Variants in DCP1B observed in about 807,000 individuals in gnomAD.
DCP1B encodes mRNA-decapping enzyme 1B.
In DCP1B, 47 loss-of-function variants were observed where a neutral mutation model predicts 60.5. The observed-to-expected ratio is 0.78, with a 90% CI of 0.61 to 0.99. DCP1B has a LOEUF of 0.99. Among genes scored for constraint, DCP1B ranks in the 50% least tolerant of loss-of-function variants. DCP1B has a pLI of 0.00. For missense variants in DCP1B, 725 were observed against 756.8 expected (o/e 0.96, Z 0.49); for synonymous variants, 267 against 280.3 (o/e 0.95, Z 0.47).
intron 3 of DCP1B, among the ~76,000 whole-genome samples, chr12:1,968,765 C>T (rs112299955): frequency 0.027 from 4,129 of 152,280 alleles, 94 homozygotes; most frequent in Middle Eastern, 0.054. Flanking sequence ...TAATAATAAA[C>T]TTCTGGCTTC....
At chr12:1,974,632 A>G (rs1248398715) in intron 3 of DCP1B, among the ~76,000 whole-genome samples, 1 of 152,174 alleles carries the variant, frequency 6.6e-6, no homozygotes, top group Non-Finnish European at 1.5e-5. Flanking sequence ...AGGACAAATA[A>G]TAACTAATAG....
chr12:1,978,804 G>A (rs1357317169), intron 3 of DCP1B, among the ~76,000 whole-genome samples: 2 of 152,096 alleles, frequency 1.3e-5, no homozygotes, highest in Non-Finnish European at 2.9e-5. Flanking sequence ...ATCCTCTTTT[G>A]TAGATGGCTT....
intron 8 of DCP1B, among the ~76,000 whole-genome samples, chr12:1,947,379 T>G (rs1274310837): frequency 6.6e-6 from 1 of 152,190 alleles, no homozygotes; most frequent in Non-Finnish European, 1.5e-5. Context: ...CTCTTTTTCC[T>G]GCAAAGTAGT....
intron 6 of DCP1B, among the ~76,000 whole-genome samples, chr12:1,955,150 C>G (rs116942703): frequency 0.014 from 2,081 of 152,308 alleles, 17 homozygotes; most frequent in Non-Finnish European, 0.022. Flanking sequence ...AGCCACTGTG[C>G]TGGCTTGTTG....
chr12:1,947,820 T>C (rs116862684), intron 8 of DCP1B, among the ~76,000 whole-genome samples: 139 of 152,306 alleles, frequency 9.1e-4, no homozygotes, highest in Admixed American at 4.3e-3. Flanking sequence ...CCCCATTCCT[T>C]TCATTCTTCC....
intron 3 of DCP1B, among the ~76,000 whole-genome samples, chr12:1,985,463 T>C (rs1365415222): frequency 6.6e-6 from 1 of 152,162 alleles, no homozygotes; most frequent in African/African-American, 2.4e-5. Flanking sequence ...TTTTTATACC[T>C]ATTTTTGTGC....
intron 2 of DCP1B, among the ~76,000 whole-genome samples, chr12:1,995,523 G>A (rs568859639): frequency 6.6e-6 from 1 of 152,336 alleles, no homozygotes; most frequent in East Asian, 1.9e-4. Flanking sequence ...TTCTGAGACT[G>A]TGAAGAACCT....
intron 3 of DCP1B, chr12:1,992,697 GAC>G (rs1320978173): frequency 6.2e-6 from 1 of 162,208 alleles, no homozygotes; most frequent in Non-Finnish European, 1.3e-5. Context: ...TTTCAAATCT[GAC>G]AAGGACTATT....
intron 3 of DCP1B, among the ~76,000 whole-genome samples, chr12:1,978,874 T>G (rs1474543929): frequency 1.3e-5 from 2 of 152,262 alleles, no homozygotes; most frequent in Non-Finnish European, 2.9e-5. Flanking sequence ...GTAGTTCATT[T>G]CTTCTTATCG....
chr12:1,973,638 C>T (rs145540477), intron 3 of DCP1B, among the ~76,000 whole-genome samples: 1,563 of 152,224 alleles, frequency 0.01, 32 homozygotes, highest in African/African-American at 0.035. Flanking sequence ...CTCAGGTTTA[C>T]CAAAGGTCAT....
At chr12:1,949,468 C>CT in intron 7 of DCP1B, 134 bp from the exon 8 acceptor site, 15 of 1,247,872 alleles carry the variant, frequency 1.2e-5, no homozygotes, top group Middle Eastern at 4.5e-4. Flanking sequence ...TTATGGGAAA[C>CT]TGATTCTTGC....
At chr12:2,003,976 T>C (rs1382929120) in intron 1 of DCP1B, among the ~76,000 whole-genome samples, 2 of 152,174 alleles carry the variant, frequency 1.3e-5, no homozygotes, top group East Asian at 1.9e-4. Flanking sequence ...CTTCCGGCCA[T>C]AAGGTATCAG....
intron 1 of DCP1B, among the ~76,000 whole-genome samples, chr12:1,999,995 A>G (rs746647903): frequency 6.6e-6 from 1 of 152,216 alleles, no homozygotes; most frequent in African/African-American, 2.4e-5. Context: ...GTTAATTCCT[A>G]TCTGCTGACA....
intron 6 of DCP1B, 86 bp from the exon 7 acceptor site, chr12:1,953,374 C>T (rs781032159): frequency 2.9e-6 from 4 of 1,362,910 alleles, no homozygotes; most frequent in Non-Finnish European, 3.9e-6. Context: ...TATCTGATGA[C>T]TTATTCTATT....
chr12:1,984,474 C>A (rs2037068216), intron 3 of DCP1B, among the ~76,000 whole-genome samples: 1 of 151,990 alleles, frequency 6.6e-6, no homozygotes, highest in African/African-American at 2.4e-5. Context: ...CCACTTCAAA[C>A]AGAATGTAAA....
intron 3 of DCP1B, among the ~76,000 whole-genome samples, chr12:1,973,600 A>G (rs2033251376): frequency 6.6e-6 from 1 of 152,148 alleles, no homozygotes. Flanking sequence ...ATCTTCCTAA[A>G]CTGGGAACCT....
intron 7 of DCP1B, among the ~76,000 whole-genome samples, chr12:1,951,458 T>C (rs576672479): frequency 1.9e-4 from 29 of 152,332 alleles, no homozygotes; most frequent in African/African-American, 7.0e-4. Flanking sequence ...GATCAATAGC[T>C]TGTGGTTTCC....
chr12:1,976,066 C>T (rs1057387804), intron 3 of DCP1B, among the ~76,000 whole-genome samples: 7 of 152,090 alleles, frequency 4.6e-5, no homozygotes, highest in Admixed American at 1.3e-4. Context: ...TTCTGCTTTA[C>T]TTGAGATTTT....
chr12:1,985,801 C>G (rs138597034), intron 3 of DCP1B, among the ~76,000 whole-genome samples: 3 of 152,022 alleles, frequency 2.0e-5, no homozygotes. Context: ...CTTCCCATAT[C>G]AGTTCCATTT....
Sources: allele counts gnomAD v4.1 joint callset (sites outside exome capture counted in the v4.1 genomes callset), GRCh38; gene constraint gnomAD v4.1.1; transcripts MANE v1.5; gene names NCBI Gene and HGNC (gene_info 2026-07-23, HGNC 2026-07-21).